Variants in ZNF454 observed in about 807,000 individuals in gnomAD.
The protein encoded by ZNF454 is zinc finger protein 454.
ZNF454 carries 30 observed loss-of-function variants against 48.2 expected under a neutral mutation model. The observed-to-expected ratio is 0.62, with a 90% CI of 0.47 to 0.84. The LOEUF is 0.84. Among genes scored for constraint, ZNF454 ranks in the 40% least tolerant of loss-of-function variants. The pLI is 0.00. For synonymous variants in ZNF454, 204 were observed against 211.4 expected, an observed-to-expected ratio of 0.97 and a Z score of 0.30; for missense variants, 510 against 623.1, an observed-to-expected ratio of 0.82 and a Z score of 1.93.
chr5:178,977,530 A>G, the ZNF454 span: 6 of 280,034 alleles, frequency 2.1e-5, no homozygotes, highest in African/African-American at 1.4e-4. Context: ...ACAGTAATCC[A>G]CAAATGAAGT....
Position 178,965,262 on chromosome 5 carries a change from C to T in ZNF454, c.858C>T (p.His286=), listed in dbSNP as rs1288864725. 2.4e-5 allele frequency: 38 copies of T among 1,614,190 alleles called. No individual in the cohort carries two copies. The highest frequency in any genetic ancestry group is 3.2e-5 in the Non-Finnish European group (38 of 1,180,034). ...LCGKAFIRNI[H]LAHHHRIHTG... is the part of the protein sequence containing the mutation. ...GAAAAGCTTTTATCCGAAATATACA[C>T]CTTGCCCATCATCATAGAATACATA... The change falls in exon 5 of 5, where the codon CAC becomes CAT. Residue 286 remains histidine, a synonymous_variant. Coordinates refer to ENST00000519564, the MANE Select transcript of ZNF454 (RefSeq NM_001178089.3). This position sits in a 1 kb window ranked among gnomAD's most constrained non-coding sequence, Gnocchi z 5.2.
the ZNF454 span, chr5:178,982,005 G>A: frequency 1.4e-6 from 1 of 725,050 alleles, no homozygotes. Flanking sequence ...ATGAGCAGGG[G>A]CCCCGCGCCT....
chr5:178,976,489 G>A, the ZNF454 span, among the ~76,000 whole-genome samples: 1 of 152,134 alleles, frequency 6.6e-6, no homozygotes, highest in African/African-American at 2.4e-5. Context: ...CTAGCTGGGA[G>A]TGAGATGGGG....
the ZNF454 span, among the ~76,000 whole-genome samples, chr5:178,975,240 C>T: frequency 6.6e-6 from 1 of 152,072 alleles, no homozygotes; most frequent in Non-Finnish European, 1.5e-5. Flanking sequence ...CAGATCACGC[C>T]ACTGCACTCC....
intron 2 of ZNF454, among the ~76,000 whole-genome samples, chr5:178,945,318 ATGTTTGTGTG>A (rs1475279433): frequency 7.0e-6 from 1 of 142,400 alleles, no homozygotes; most frequent in African/African-American, 2.7e-5. Context: ...CTGTCTGTGT[ATGTTTGTGTG>A]TGTTTGTATG....
chr5:178,985,691 A>G, the ZNF454 span: 3 of 393,712 alleles, frequency 7.6e-6, no homozygotes, highest in East Asian at 7.6e-5. Flanking sequence ...CGACACAGCG[A>G]GACTCTGTCT....
At chr5:178,973,525 A>C in the ZNF454 span, among the ~76,000 whole-genome samples, 3 of 152,008 alleles carry the variant, frequency 2.0e-5, no homozygotes, top group African/African-American at 4.8e-5. Context: ...TCCAGTTTTT[A>C]GTGTCTTTAC....
the ZNF454 span, chr5:178,977,381 A>G: frequency 4.4e-6 from 2 of 455,654 alleles, no homozygotes; most frequent in Admixed American, 4.7e-5. Flanking sequence ...GTGCTGTTTA[A>G]GAACAAGCAG....
At chr5:178,981,410 G>A in the ZNF454 span, 2 of 537,802 alleles carry the variant, frequency 3.7e-6, no homozygotes, top group East Asian at 3.2e-5. The surrounding 1 kb of genome is among the most constrained non-coding windows in gnomAD (Gnocchi z 5.1). Flanking sequence ...GAACCTTCTC[G>A]GTGGCTGTTT....
chr5:178,989,094 C>T, the ZNF454 span: 1 of 1,614,110 alleles, frequency 6.2e-7, no homozygotes, highest in Non-Finnish European at 8.5e-7. Flanking sequence ...TGCACCTTGC[C>T]CTCCTGCTCG....
the ZNF454 span, chr5:178,983,151 G>A: frequency 1.8e-5 from 29 of 1,613,792 alleles, no homozygotes; most frequent in Middle Eastern, 1.6e-4. Flanking sequence ...GGGGTCCACC[G>A]TCCGCTGTTC....
Position 178,964,994 on chromosome 5 carries a change from A to G in ZNF454, c.590A>G (p.Gln197Arg), listed in dbSNP as rs768417464. ...FSKSSTLNKH[Q>R]KIHNEKNANQ... ...AAGAGTTCAACTCTTAATAAACATC[A>G]GAAAATTCATAATGAAAAAAATGCA... Residue 197 changes from glutamine to arginine, a missense_variant, in exon 5 of 5, where the codon CAG (glutamine) becomes CGG (arginine). Transcript: ENST00000519564. 3.1e-6 allele frequency: 5 copies of G among 1,613,980 alleles called. No individual in the cohort carries two copies. The highest frequency in any genetic ancestry group is 1.3e-5 in the African/African-American group (1 of 74,916).
chr5:178,964,190 G>T (rs919536541), intron 4 of ZNF454, among the ~76,000 whole-genome samples: 1 of 151,046 alleles, frequency 6.6e-6, no homozygotes, highest in South Asian at 2.1e-4. Flanking sequence ...GCGCGATCTC[G>T]GCTCACTGCA....
chr5:178,961,679 G>A (rs1445305296), intron 4 of ZNF454, among the ~76,000 whole-genome samples: 1 of 151,192 alleles, frequency 6.6e-6, no homozygotes, highest in African/African-American at 2.4e-5. Flanking sequence ...AATTAGCTGG[G>A]CATGGCAGCG....
chr5:178,956,678 T>TC (rs397955242), intron 4 of ZNF454, among the ~76,000 whole-genome samples: 1 of 53,012 alleles, frequency 1.9e-5, no homozygotes, highest in Non-Finnish European at 3.6e-5. Context: ...TTATTTAATT[T>TC]ATTTATTTAT....
downstream of ZNF454, among the ~76,000 whole-genome samples, chr5:178,971,239 C>T (rs73804511): frequency 1.4e-3 from 208 of 152,224 alleles, no homozygotes; most frequent in African/African-American, 4.9e-3. Context: ...GGGCGAGGCA[C>T]CTGAGTGTTC....
the ZNF454 span, chr5:178,986,276 C>T: frequency 1.9e-6 from 3 of 1,613,978 alleles, no homozygotes; most frequent in Non-Finnish European, 2.5e-6. Context: ...AGGGTCGTGC[C>T]CAGGCCCAGG....
At chr5:178,957,601 G>C (rs1759830019) in intron 4 of ZNF454, among the ~76,000 whole-genome samples, 1 of 151,846 alleles carries the variant, frequency 6.6e-6, no homozygotes, top group South Asian at 2.1e-4. Flanking sequence ...AGTAGAGACG[G>C]GGTTTCACCG....
chr5:178,949,437 A>T (rs1051434466), intron 4 of ZNF454, among the ~76,000 whole-genome samples: 5 of 152,146 alleles, frequency 3.3e-5, no homozygotes, highest in African/African-American at 4.8e-5. Flanking sequence ...TTATATTTTT[A>T]AAAAATAGAT....
Sources: allele counts gnomAD v4.1 joint callset (sites outside exome capture counted in the v4.1 genomes callset), GRCh38; gene constraint gnomAD v4.1.1; non-coding constraint Gnocchi (gnomAD v3.1); transcripts MANE v1.5; gene names NCBI Gene and HGNC (gene_info 2026-07-23, HGNC 2026-07-21).